GRIK4: variants seen among roughly 807,000 people sequenced by gnomAD.
The protein encoded by GRIK4 is glutamate ionotropic receptor kainate type subunit 4.
In GRIK4, 40 loss-of-function variants were observed where a neutral mutation model predicts 104.9. The observed-to-expected ratio is 0.38, with a 90% CI of 0.30 to 0.50. GRIK4 has a LOEUF of 0.50. Ranked by LOEUF, GRIK4 falls within the 20% of genes least tolerant of loss-of-function variation. The pLI is 0.93. For synonymous variants in GRIK4, 485 were observed against 524.9 expected (o/e 0.92, Z 1.04); for missense variants, 1,047 against 1,308.1 (o/e 0.80, Z 3.08).
Position 120,939,466 on chromosome 11 carries a change from T to G in GRIK4, c.1477-881T>G, listed in dbSNP as rs1943671000. 6.6e-6 allele frequency among the ~76,000 whole-genome samples: 1 copy of G among 152,238 alleles called. No individual in the cohort carries two copies. The highest frequency in any genetic ancestry group is 2.4e-5 in the African/African-American group (1 of 41,464). On this transcript the variant is annotated intron_variant, in intron 13 of 20. Transcript: ENST00000527524. The surrounding 1 kb of genome is among the most constrained non-coding windows in gnomAD (Gnocchi z 5.6). The stretch of plus-strand genomic sequence containing the variant: ...TAAGTGGCCAGTGATCCAGGAGGCC[T>G]GAATCCTAGCCAGCTGGGATGAGCT...
intron 8 of GRIK4, chr11:120,859,470 C>T (rs1380387547): frequency 6.6e-6 from 1 of 152,204 alleles, no homozygotes; most frequent in East Asian, 1.9e-4. Flanking sequence ...CATCCAGAGC[C>T]TCAGGGCTTC....
At chr11:120,757,087 T>G (rs1951666703) in intron 3 of GRIK4, among the ~76,000 whole-genome samples, 1 of 152,232 alleles carries the variant, frequency 6.6e-6, no homozygotes, top group Admixed American at 6.5e-5. Flanking sequence ...AGCTGCCTCC[T>G]CACTGAGCAG....
intron 3 of GRIK4, among the ~76,000 whole-genome samples, chr11:120,724,197 G>T (rs1246868674): frequency 6.6e-6 from 1 of 152,162 alleles, no homozygotes; most frequent in Non-Finnish European, 1.5e-5. Flanking sequence ...TGCCCAGGCT[G>T]GAGTGCAGTG....
intron 1 of GRIK4, among the ~76,000 whole-genome samples, chr11:120,533,438 C>T (rs1345798040): frequency 6.6e-6 from 1 of 152,194 alleles, no homozygotes; most frequent in Non-Finnish European, 1.5e-5. Context: ...GAGATATGGG[C>T]ACAGGCAGTC....
intron 1 of GRIK4, among the ~76,000 whole-genome samples, chr11:120,566,787 T>G (rs1460458903): frequency 6.7e-6 from 1 of 149,416 alleles, no homozygotes; most frequent in Non-Finnish European, 1.5e-5. Context: ...CACTGCAAGC[T>G]CCACCTCCCG....
chr11:120,847,850 C>A (rs1953887345), intron 8 of GRIK4, among the ~76,000 whole-genome samples: 2 of 152,332 alleles, frequency 1.3e-5, no homozygotes, highest in Non-Finnish European at 2.9e-5. Context: ...AAATCCCAGA[C>A]CCAGGGATTA....
intron 3 of GRIK4, among the ~76,000 whole-genome samples, chr11:120,710,630 G>A (rs1347333306): frequency 1.3e-5 from 2 of 152,146 alleles, no homozygotes; most frequent in Non-Finnish European, 2.9e-5. Flanking sequence ...CGGTTTTTCT[G>A]TGCAGGGGTC....
rs370728372 is a variant in GRIK4, at chr11:120,988,455, A to G, written c.*2195A>G. Reference sequence around the variant, plus strand: ...AAAAACTCGTTTTTATGAGCAGGCTATCTTGATCAATAGCAAACTTTTTTT... The same window carrying G: ...AAAAACTCGTTTTTATGAGCAGGCTGTCTTGATCAATAGCAAACTTTTTTT... On this transcript the variant is annotated 3_prime_UTR_variant, in exon 21 of 21. Transcript: ENST00000527524. 2 of 152,162 alleles carry G rather than the reference A, an allele frequency of 1.3e-5. No homozygotes were observed. The highest frequency in any genetic ancestry group is 2.4e-5 in the African/African-American group (1 of 41,440). The allele number at this position is 152,162 out of a possible 1,614,324, so 9.4% of individuals were successfully genotyped here. A position where few individuals can be genotyped will look rare whatever the true frequency, so the allele number is the denominator to read the frequency against.
chr11:120,639,564 G>C (rs761634259), intron 1 of GRIK4, among the ~76,000 whole-genome samples: 2 of 152,190 alleles, frequency 1.3e-5, no homozygotes, highest in Non-Finnish European at 2.9e-5. Flanking sequence ...CCTCTAGGCA[G>C]GTGCTTAGTC....
intron 3 of GRIK4, among the ~76,000 whole-genome samples, chr11:120,682,978 C>T (rs1276744006): frequency 6.6e-6 from 1 of 151,988 alleles, no homozygotes; most frequent in Non-Finnish European, 1.5e-5. Flanking sequence ...CTGTGACACG[C>T]TCCCTGATAC....
In GRIK4 at chr11:120,705,460, A is replaced by G. The variant is rs536733843; in HGVS notation, c.82+45060A>G. Among the ~76,000 whole-genome samples, 54 of 152,234 alleles carry G rather than the reference A, an allele frequency of 3.5e-4. 2 individuals are homozygous for G. The South Asian group carries it at 0.011, about 31-fold the overall frequency. On this transcript the variant is annotated intron_variant, in intron 3 of 20. Coordinates refer to ENST00000527524, the MANE Select transcript of GRIK4 (RefSeq NM_014619.5). ...AGGCTGGTCTCGAACTCCTGACCTCAGGTGATTTGCCCACCTTGGACTCCC... is the reference window on the plus strand; with the variant it reads ...AGGCTGGTCTCGAACTCCTGACCTCGGGTGATTTGCCCACCTTGGACTCCC...
rs138442033 is a variant in GRIK4, at chr11:120,940,691, C to T, written c.1590+231C>T. Among the ~76,000 whole-genome samples the T allele has an allele frequency of 5.6e-4, 85 of 152,258 alleles. No individual in the cohort carries two copies. In the East Asian group the frequency reaches 0.014, roughly 26 times the overall value. On this transcript the variant is annotated intron_variant, in intron 14 of 20. Coordinates refer to ENST00000527524, the MANE Select transcript of GRIK4 (RefSeq NM_014619.5). The surrounding 1 kb of genome is among the most constrained non-coding windows in gnomAD (Gnocchi z 4.3). ...AAATTACTTCTGCCTCTCTGAATAG[C>T]GATGACCAAGAATGGTCATTCAATA...
intron 3 of GRIK4, among the ~76,000 whole-genome samples, chr11:120,755,522 C>T (rs557916592): frequency 6.6e-6 from 1 of 152,002 alleles, no homozygotes; most frequent in Admixed American, 6.6e-5. Flanking sequence ...GTGGGAGGAT[C>T]ACTTGAGCCT....
intron 6 of GRIK4, among the ~76,000 whole-genome samples, chr11:120,825,267 C>T (rs1472329527): frequency 6.6e-6 from 1 of 152,186 alleles, no homozygotes; most frequent in Non-Finnish European, 1.5e-5. Context: ...GTTACATGGC[C>T]TGTGTCCCCA....
At chr11:120,957,625 G>GTGTGTGTGTGTGTGGTGTGTGTA in intron 16 of GRIK4, among the ~76,000 whole-genome samples, 1 of 144,634 alleles carries the variant, frequency 6.9e-6, no homozygotes, top group Admixed American at 6.8e-5. Context: ...GTGTGTGTGT[G>GTGTGTGTGTGTGTGGTGTGTGTA]TAGCCTAGAG....
intron 8 of GRIK4, among the ~76,000 whole-genome samples, chr11:120,860,407 C>G (rs1954230460): frequency 6.6e-6 from 1 of 152,166 alleles, no homozygotes; most frequent in African/African-American, 2.4e-5. Context: ...ACTAACTGGC[C>G]TCGGTGCACT....
At chr11:120,757,762 G>C (rs1951678006) in intron 3 of GRIK4, among the ~76,000 whole-genome samples, 1 of 152,204 alleles carries the variant, frequency 6.6e-6, no homozygotes, top group African/African-American at 2.4e-5. Context: ...GCGGAGGAGA[G>C]TTTGGATTGG....
At chr11:120,894,665 G>C (rs1318961149) in intron 11 of GRIK4, 2 of 152,328 alleles carry the variant, frequency 1.3e-5, no homozygotes, top group Non-Finnish European at 2.9e-5. Flanking sequence ...TGCACATGTG[G>C]GCATGTGGAA....
intron 3 of GRIK4, among the ~76,000 whole-genome samples, chr11:120,746,370 A>C (rs948027006): frequency 1.3e-5 from 2 of 152,216 alleles, no homozygotes; most frequent in African/African-American, 4.8e-5. Flanking sequence ...CAGCCCTGTC[A>C]GGATCAGCAG....
Sources: allele counts gnomAD v4.1 joint callset (sites outside exome capture counted in the v4.1 genomes callset), GRCh38; gene constraint gnomAD v4.1.1; non-coding constraint Gnocchi (gnomAD v3.1); transcripts MANE v1.5; gene names NCBI Gene and HGNC (gene_info 2026-07-23, HGNC 2026-07-21).